ASMT: variants seen among roughly 807,000 people sequenced by gnomAD.
ASMT encodes the protein acetylserotonin N-methyltransferase.
A neutral mutation model predicts 41.3 loss-of-function variants in ASMT; 53 were observed. The observed-to-expected ratio is 1.28, with a 90% confidence interval of 1.03 to 1.61. The LOEUF (loss-of-function observed/expected upper bound fraction) is 1.61. Ranked by LOEUF, ASMT falls within the 40% of genes most tolerant of loss-of-function variation. The pLI is 0.00. For synonymous variants in ASMT, 231 were observed against 184.8 expected (o/e 1.25, Z -2.03); for missense variants, 531 against 441.3 (o/e 1.20, Z -1.82).
At chrX:1,619,549 TATAATAATAATA>T (rs745727836) in intron 1 of ASMT, among the ~76,000 whole-genome samples, 155 of 129,828 alleles carry the variant, frequency 1.2e-3, no homozygotes, top group Non-Finnish European at 1.4e-3. Flanking sequence ...GAACTTAAAG[TATAATAATAATA>T]ATAATAATAA....
chrX:1,616,550 C>G (rs1216695012), intron 1 of ASMT, among the ~76,000 whole-genome samples: 4 of 151,172 alleles, frequency 2.6e-5, no homozygotes, highest in African/African-American at 9.7e-5. Context: ...CACGAATGTA[C>G]TAAGTGCCCC....
At chrX:1,633,089 A>C in intron 6 of ASMT, 61 bp from the exon 7 acceptor site, 1 of 1,605,274 alleles carries the variant, frequency 6.2e-7, no homozygotes, top group Admixed American at 1.7e-5. Context: ...TGGTGTGTGG[A>C]GGGTGAGCGA....
chrX:1,643,068 G>C lies in ASMT; in HGVS notation c.*54G>C. On this transcript the variant is annotated 3_prime_UTR_variant, in exon 9 of 9. Transcript: ENST00000381241. ...AAAGCACACAAGACATAATAATAAA[G>C]ACATGTACCTCCAGTGGCTTCTTGT... The C allele has an allele frequency of 3.8e-6, 6 of 1,569,958 alleles. No homozygotes were observed. The highest frequency in any genetic ancestry group is 5.3e-6 in the Non-Finnish European group (6 of 1,140,152).
chrX:1,624,371 G>A lies in ASMT; in HGVS notation c.347G>A (p.Cys116Tyr). ...TACATGGGCAGGACCAGCTACCGGT[G>A]CTGGGGCCACCTGGCAGACGCCGTG... ...LKYMGRTSYR[C>Y]WGHLADAVRE... Residue 116 changes from cysteine (C) to tyrosine (Y), a missense_variant, in exon 3 of 9, where the codon TGC (cysteine) becomes TAC (tyrosine). Physicochemically the swap from Cys to Tyr is radical, Grantham distance 194. Transcript: ENST00000381241. The A allele has an allele frequency of 6.2e-7, 1 of 1,613,780 alleles. No homozygotes were observed. The highest frequency in any genetic ancestry group is 8.5e-7 in the Non-Finnish European group (1 of 1,179,872).
At chrX:1,632,468 G>A (rs1317704953) in intron 5 of ASMT, among the ~76,000 whole-genome samples, 5 of 152,230 alleles carry the variant, frequency 3.3e-5, no homozygotes, top group East Asian at 1.9e-4. Context: ...TGGCTAACAC[G>A]GAGAAACCCT....
At chrX:1,623,456 G>C in intron 2 of ASMT, 143 bp downstream of exon 2, 1 of 1,065,836 alleles carries the variant, frequency 9.4e-7, no homozygotes, top group East Asian at 2.6e-5. Flanking sequence ...AAAATTAGCC[G>C]GGTGTGGTGG....
At position 1,624,275 on chromosome X, in the gene ASMT, A is replaced by C. The variant is rs767931039; in HGVS notation, c.251A>C (p.Tyr84Ser). ...KVETRGGKAF[Y>S]RNTELSSDYL... ...TTTTTTGTGTGTGTTTCAGCTTTCT[A>C]TCGAAACACAGAGCTGTCCAGCGAC... Residue 84 changes from tyrosine (Y) to serine (S), a missense_variant, in exon 3 of 9, where the codon TAT becomes TCT. Transcript: ENST00000381241. 5 of 1,613,890 alleles carry C rather than the reference A, an allele frequency of 3.1e-6. No individual in the cohort carries two copies. The Admixed American group carries it at 8.3e-5, about 27-fold the overall frequency.
intron 3 of ASMT, among the ~76,000 whole-genome samples, chrX:1,626,443 G>A (rs1934552001): frequency 2.6e-5 from 4 of 152,008 alleles, no homozygotes; most frequent in African/African-American, 7.2e-5. Flanking sequence ...TGTCTTTGAG[G>A]CTGGTCTCCA....
At chrX:1,642,220 G>A (rs1399788144) in intron 8 of ASMT, among the ~76,000 whole-genome samples, 2 of 147,834 alleles carry the variant, frequency 1.4e-5, no homozygotes, top group Non-Finnish European at 3.0e-5. Context: ...TCTCCTGTGA[G>A]GTCCACCCAT....
intron 2 of ASMT, 123 bp downstream of exon 2, chrX:1,623,436 A>C: frequency 8.0e-7 from 1 of 1,244,192 alleles, no homozygotes; most frequent in Non-Finnish European, 1.2e-6. Context: ...CTCTACTAAA[A>C]AAAATACAAA....
intron 6 of ASMT, 65 bp downstream of exon 6, chrX:1,632,852 A>AGGGCCTGG: frequency 3.9e-6 from 2 of 508,584 alleles, no homozygotes; most frequent in Non-Finnish European, 7.1e-6. Context: ...GGGGCCTGTC[A>AGGGCCTGG]GGGCCTGGGG....
At chrX:1,628,338 G>T (rs1472025638) in intron 4 of ASMT, among the ~76,000 whole-genome samples, 1 of 152,102 alleles carries the variant, frequency 6.6e-6, no homozygotes, top group Admixed American at 6.6e-5. Flanking sequence ...GAAAAGAAAA[G>T]AATATAGAGG....
chrX:1,629,705 C>CT (rs1934696791), intron 4 of ASMT, 116 bp from the exon 5 acceptor site: 2 of 951,044 alleles, frequency 2.1e-6, no homozygotes, highest in Non-Finnish European at 3.5e-6. Flanking sequence ...AAATGCAAGC[C>CT]TTCCAGGTGC....
Position 1,615,229 on chromosome X carries a change from C to T in ASMT, c.30C>T (p.Arg10=), listed in dbSNP as rs1241370006. The T allele has an allele frequency of 1.9e-6, 3 of 1,598,708 alleles. No individual in the cohort carries two copies. Among genetic ancestry groups the T allele is most frequent in the Non-Finnish European group, 2.6e-6 (3 of 1,172,858 alleles). The change falls in exon 1 of 9, where the codon CGC becomes CGT. Residue 10 remains arginine, a synonymous_variant. Transcript: ENST00000381241. MGSSEDQAY[R]LLNDYANGFM... is the part of the protein sequence containing the mutation. ...GATCCTCAGAGGACCAGGCCTATCG[C>T]CTCCTTAATGACTACGCCAACGGCT...
chrX:1,643,003 G>C lies in ASMT; in HGVS notation c.1111G>C (p.Ala371Pro), dbSNP rs1288766896. ...KTGAIYDAILARK is the reference protein window; with the variant it reads ...KTGAIYDAILPRK ...AGGAGCCATTTATGATGCCATTTTAGCCAGGAAATAACTGTTTCTTGTGAC... is the reference window on the plus strand; with the variant it reads ...AGGAGCCATTTATGATGCCATTTTACCCAGGAAATAACTGTTTCTTGTGAC... Residue 371 changes from alanine (A) to proline (P), a missense_variant, in exon 9 of 9, where the codon GCC becomes CCC. Coordinates refer to ENST00000381241, the MANE Select transcript of ASMT (RefSeq NM_001171038.2). 6.2e-7 allele frequency: 1 copy of C among 1,613,882 alleles called. No individual in the cohort carries two copies. The highest frequency in any genetic ancestry group is 1.1e-5 in the South Asian group (1 of 91,066).
intron 8 of ASMT, 132 bp from the exon 9 acceptor site, chrX:1,642,671 C>A (rs778363236): frequency 2.5e-6 from 2 of 809,968 alleles, no homozygotes; most frequent in East Asian, 5.0e-5. Context: ...GTGGGCACAG[C>A]CTCTGAGTGT....
At chrX:1,628,663 T>C (rs1934650034) in intron 4 of ASMT, among the ~76,000 whole-genome samples, 1 of 149,150 alleles carries the variant, frequency 6.7e-6, no homozygotes, top group African/African-American at 2.5e-5. Flanking sequence ...CTCCTCTCTT[T>C]CTCTCCTTTT....
Position 1,637,084 on chromosome X carries a change from A to T in ASMT, c.910+524A>T, listed in dbSNP as rs369226840. Among the ~76,000 whole-genome samples the T allele has an allele frequency of 5.2e-3, 456 of 88,104 alleles. 29 individuals are homozygous for T. Among genetic ancestry groups the T allele is most frequent in the East Asian group, 7.3e-3 (24 of 3,282 alleles). 57.8% of individuals were successfully genotyped at this position (88,104 alleles called of 152,430 possible). A position where few individuals can be genotyped will look rare whatever the true frequency, so the allele number is the denominator to read the frequency against. On this transcript the variant is annotated intron_variant, in intron 8 of 8. Transcript: ENST00000381241. ...GATGTGGGCACAGCCTCTGTGTGTG[A>T]GATAAGGACTGTGTCCCAGCTCTCC...
At chrX:1,625,539 A>AG in intron 3 of ASMT, among the ~76,000 whole-genome samples, 1 of 62,114 alleles carries the variant, frequency 1.6e-5, no homozygotes. Context: ...GAAGGAAGGA[A>AG]GGAAGGGAGG....
Sources: gnomAD v4.1 joint callset for allele counts (sites outside exome capture counted in the v4.1 genomes callset) on GRCh38, gnomAD v4.1.1 for gene constraint, MANE v1.5 for transcripts, NCBI Gene and HGNC (gene_info 2026-07-23, HGNC 2026-07-21) for gene names.